The following CHD5 variants were observed in gnomAD, a reference collection of about 807,000 sequenced individuals.
CHD5 encodes the protein ATP-dependent chromatin remodeler CHD5.
In CHD5, 69 loss-of-function variants were observed where a neutral mutation model predicts 230.3. The observed-to-expected ratio is 0.30, with a 90% confidence interval of 0.25 to 0.37. The LOEUF (loss-of-function observed/expected upper bound fraction) is 0.37, where lower values mean the gene tolerates loss of function less well. Ranked by LOEUF, CHD5 falls within the 10% of genes least tolerant of loss-of-function variation. CHD5 has a pLI of 1.00. For synonymous variants in CHD5, 1,064 were observed against 1,065.9 expected (o/e 1.00, Z 0.03); for missense variants, 1,827 against 2,622.8 (o/e 0.70, Z 6.63).
chr1:6,122,668 G>A (rs1369530530), intron 31 of CHD5, among the ~76,000 whole-genome samples: 4 of 152,140 alleles, frequency 2.6e-5, no homozygotes, highest in Admixed American at 6.5e-5. Context: ...GTATGTCCAC[G>A]CAAAAACATA....
At chr1:6,110,285 C>T in intron 37 of CHD5, 109 bp downstream of exon 37, 1 of 1,300,646 alleles carries the variant, frequency 7.7e-7, no homozygotes. Flanking sequence ...CAGCGTGACC[C>T]AGGTACACGG....
Position 6,154,709 on chromosome 1 carries a change from C to G in CHD5, c.696G>C (p.Gln232His), listed in dbSNP as rs781385165. 1 of 1,603,328 alleles carries G rather than the reference C, an allele frequency of 6.2e-7. No individual in the cohort carries two copies. The highest frequency in any genetic ancestry group is 1.1e-5 in the South Asian group (1 of 89,900). Residue 232 changes from glutamine to histidine, a missense_variant, in exon 5 of 42, where the codon CAG (glutamine) becomes CAC (histidine). Physicochemically the swap from Gln to His is conservative, Grantham distance 24. Around this residue, in one of 14 missense-constraint regions of CHD5, gnomAD observed 657 missense variants for 816.4 expected, o/e 0.80. Transcript: ENST00000262450. The surrounding 1 kb of genome is among the most constrained non-coding windows in gnomAD (Gnocchi z 7.0). The part of the protein sequence containing the change: ...ISPPLAVSPP[Q>H]VPQPVPIRKA... ...TGCGGATAGGCACAGGCTGGGGCAC[C>G]TGCGGGGGGCTGACGGCTAGCGGAG...
intron 38 of CHD5, among the ~76,000 whole-genome samples, chr1:6,107,192 A>T (rs1666194184): frequency 1.2e-5 from 1 of 84,362 alleles, no homozygotes; most frequent in East Asian, 4.4e-4. Context: ...ATGGGGGAAG[A>T]TGGAGGGATG....
In CHD5 at chr1:6,121,127, G is replaced by A. The variant is rs746787920; in HGVS notation, c.4890C>T (p.Pro1630=). The change falls in exon 33 of 42, where the codon CCC becomes CCT. Residue 1630 remains proline (P), a synonymous_variant. Transcript: ENST00000262450. The surrounding 1 kb of genome is among the most constrained non-coding windows in gnomAD (Gnocchi z 4.5). The part of the protein sequence containing the change: ...ERPEETEKAP[P]SPEQLPREEV... ...AACCTCTCGGCAGCTGCTCCGGGGAGGGCGGGGCCTTCTCCGTCTCCTCTG... is the reference window on the plus strand; with the variant it reads ...AACCTCTCGGCAGCTGCTCCGGGGAAGGCGGGGCCTTCTCCGTCTCCTCTG... 14 of 1,609,982 alleles carry A rather than the reference G, an allele frequency of 8.7e-6. No individual in the cohort carries two copies. Among genetic ancestry groups the A allele is most frequent in the Non-Finnish European group, 1.2e-5 (14 of 1,178,438 alleles).
At position 6,146,125 on chromosome 1, in the gene CHD5, C is replaced by G; in HGVS notation, c.1802+87G>C. Reference sequence around the variant, plus strand: ...CAGCCCCAAAGCAAGGGCCCTGGCACCCTGCGCTGCACCCATTTTACAGGG... The same window carrying G: ...CAGCCCCAAAGCAAGGGCCCTGGCAGCCTGCGCTGCACCCATTTTACAGGG... On this transcript the variant is annotated intron_variant, in intron 11 of 41. Coordinates refer to ENST00000262450, the MANE Select transcript of CHD5 (RefSeq NM_015557.3). The surrounding 1 kb of genome is among the most constrained non-coding windows in gnomAD (Gnocchi z 5.1). 2 of 1,345,270 alleles carry G rather than the reference C, an allele frequency of 1.5e-6. No homozygotes were observed. Among genetic ancestry groups the G allele is most frequent in the South Asian group, 2.6e-5 (2 of 77,554 alleles). 83.3% of individuals were successfully genotyped at this position (1,345,270 alleles called of 1,614,324 possible).
In CHD5 at chr1:6,109,825, T is replaced by C; in HGVS notation, c.5548A>G (p.Asn1850Asp). 1.2e-6 allele frequency: 2 copies of C among 1,612,664 alleles called. No homozygotes were observed. The highest frequency in any genetic ancestry group is 1.7e-6 in the Non-Finnish European group (2 of 1,179,682). Residue 1850 changes from asparagine to aspartate, a missense_variant, in exon 38 of 42, where the codon AAC becomes GAC. Around this residue, in one of 14 missense-constraint regions of CHD5, gnomAD observed 208 missense variants for 302.0 expected, o/e 0.69. Transcript: ENST00000262450. ...TGCAGGACGGCATTGGCAGGCTTGTTCCCAGCAAGGGACTCCTTGGACAGG... is the reference window on the plus strand; with the variant it reads ...TGCAGGACGGCATTGGCAGGCTTGTCCCCAGCAAGGGACTCCTTGGACAGG... Reference protein sequence around the residue: ...QHLSKESLAGNKPANAVLHKV... With the variant: ...QHLSKESLAGDKPANAVLHKV...
rs72852055 is a variant in CHD5, at chr1:6,152,026, C to T, written c.870+386G>A. Among the ~76,000 whole-genome samples, 1,394 of 152,060 alleles carry T rather than the reference C, an allele frequency of 9.2e-3. 24 individuals are homozygous for T. The highest frequency in any genetic ancestry group is 0.043 in the East Asian group (224 of 5,162). ...AGGGTCCAGCCCCCACCCAACTACT[C>T]CCCCCGAGAGCAGACCTGGGTGCTG... On this transcript the variant is annotated intron_variant, in intron 6 of 41. Coordinates refer to ENST00000262450, the MANE Select transcript of CHD5 (RefSeq NM_015557.3).
In CHD5 at chr1:6,135,354, G is replaced by C; in HGVS notation, c.2746C>G (p.Gln916Glu). The change falls in exon 18 of 42, where the codon CAG becomes GAG. Residue 916 changes from glutamine to glutamate, a missense_variant. By Grantham distance (29) the Gln-to-Glu change is conservative (BLOSUM62 2). This residue lies in a region of CHD5 where 52 missense variants were observed against 164.5 expected (regional missense o/e 0.32). Coordinates refer to ENST00000262450, the MANE Select transcript of CHD5 (RefSeq NM_015557.3). ...EEFADISKED[Q>E]IKKLHDLLGP... ...AGCAGGTCATGCAGCTTCTTGATCT[G>C]GTCTTCCTTGGAGATGTCAGCAAAC... The C allele has an allele frequency of 6.2e-7, 1 of 1,613,990 alleles. No homozygotes were observed. Among genetic ancestry groups the C allele is most frequent in the Non-Finnish European group, 8.5e-7 (1 of 1,179,980 alleles).
In CHD5 at chr1:6,180,266, C is replaced by A; in HGVS notation, c.-243G>T. ...CGCTCCTCCCACCGCGCCCCGCAGC[C>A]CGAGTCCCGCAGCCGGCCGAGGGTG... On this transcript the variant is annotated 5_prime_UTR_variant, in exon 1 of 42. Transcript: ENST00000262450. 5.4e-6 allele frequency: 1 copy of A among 185,052 alleles called. No individual in the cohort carries two copies. The highest frequency in any genetic ancestry group is 2.4e-5 in the African/African-American group (1 of 42,348). The allele number at this position is 185,052 out of a possible 1,614,324, so 11.5% of individuals were successfully genotyped here.
intron 33 of CHD5, among the ~76,000 whole-genome samples, chr1:6,119,864 ATTTT>A (rs57522479): frequency 0.11 from 14,555 of 137,370 alleles, 790 homozygotes; most frequent in East Asian, 0.16. Context: ...ATATATATAT[ATTTT>A]TTTTTTTTCT....
At chr1:6,133,631 T>C (rs888311453) in intron 20 of CHD5, among the ~76,000 whole-genome samples, 14 of 152,344 alleles carry the variant, frequency 9.2e-5, no homozygotes, top group African/African-American at 3.4e-4. Flanking sequence ...AGGGACTAGA[T>C]CACTGGTCCC....
At chr1:6,159,229 A>T (rs1175330890) in intron 3 of CHD5, 107 bp downstream of exon 3, 15 of 61,910 alleles carry the variant, frequency 2.4e-4, no homozygotes, top group East Asian at 2.8e-3. Flanking sequence ...AGACTCCATC[A>T]CACACACACA....
chr1:6,179,304 C>T (rs947876536), intron 1 of CHD5, among the ~76,000 whole-genome samples: 12 of 152,146 alleles, frequency 7.9e-5, no homozygotes, highest in African/African-American at 2.7e-4. Flanking sequence ...GCCGGCGGCC[C>T]GGGTAAAGTG....
At position 6,106,708 on chromosome 1, in the gene CHD5, G is replaced by T. The variant is rs773847893; in HGVS notation, c.5650C>A (p.Arg1884Ser). 1 of 1,611,804 alleles carries T rather than the reference G, an allele frequency of 6.2e-7. No homozygotes were observed. Among genetic ancestry groups the T allele is most frequent in the African/African-American group, 1.3e-5 (1 of 74,840 alleles). ...DVTRLPSMLSRIPPVAARLQM... is the reference protein window; with the variant it reads ...DVTRLPSMLSSIPPVAARLQM... ...AGCCGGGCGGCCACCGGGGGGATGC[G>T]GGACAGCATGGATGGCAGCCGGGTC... Residue 1884 changes from arginine (R) to serine (S), a missense_variant, in exon 39 of 42, where the codon CGC (arginine) becomes AGC (serine). By Grantham distance (110) the Arg-to-Ser change is moderately radical. This residue lies in a region of CHD5 where 208 missense variants were observed against 302.0 expected (regional missense o/e 0.69). Transcript: ENST00000262450.
Position 6,173,841 on chromosome 1 carries a change from A to G in CHD5, c.80-5564T>C, listed in dbSNP as rs1309830821. Among the ~76,000 whole-genome samples, 29 of 152,154 alleles carry G rather than the reference A, an allele frequency of 1.9e-4. 1 individual carries two copies. The highest frequency in any genetic ancestry group is 1.8e-3 in the Admixed American group (28 of 15,286). On this transcript the variant is annotated intron_variant, in intron 1 of 41. Transcript: ENST00000262450. ...GCCGTTAGTCCTCGAACCTCCCCCC[A>G]TGAGACAGGGCTTATGCTGGCAAAG... is the stretch of plus-strand genomic sequence containing the variant.
intron 15 of CHD5, among the ~76,000 whole-genome samples, chr1:6,138,715 A>G (rs1377559901): frequency 1.3e-5 from 2 of 152,254 alleles, no homozygotes; most frequent in Non-Finnish European, 2.9e-5. Flanking sequence ...TTCTCAAAAA[A>G]TCAGAAATAG....
chr1:6,137,759 G>A (rs1219889386), intron 15 of CHD5, among the ~76,000 whole-genome samples: 1 of 152,268 alleles, frequency 6.6e-6, no homozygotes, highest in African/African-American at 2.4e-5. Flanking sequence ...TTAATGCCCT[G>A]AGGTTGCTGA....
At chr1:6,150,688 G>C (rs534159219) in intron 7 of CHD5, among the ~76,000 whole-genome samples, 1 of 152,208 alleles carries the variant, frequency 6.6e-6, no homozygotes, top group Admixed American at 6.5e-5. Flanking sequence ...TTAAGTGGGT[G>C]GGGGGTGACT....
At position 6,146,487 on chromosome 1, in the gene CHD5, C is replaced by T. The variant is rs567453491; in HGVS notation, c.1591-64G>A. 1 of 1,520,828 alleles carries T rather than the reference C, an allele frequency of 6.6e-7. No individual in the cohort carries two copies. The highest frequency in any genetic ancestry group is 1.2e-5 in the South Asian group (1 of 85,886). The allele number at this position is 1,520,828 out of a possible 1,614,324, so 94.2% of individuals were successfully genotyped here. On this transcript the variant is annotated intron_variant, in intron 10 of 41. Transcript: ENST00000262450. The surrounding 1 kb of genome is among the most constrained non-coding windows in gnomAD (Gnocchi z 5.1). ...GGCCATGGTCCCCTGCATCTCCCTA[C>T]CCAGCTCCTCTAGCCCCAGCCCAGG...
Sources: gnomAD v4.1 joint callset for allele counts (sites outside exome capture counted in the v4.1 genomes callset) on GRCh38, gnomAD v4.1.1 for gene constraint, gnomAD v4.1.1 regional missense constraint, Gnocchi (gnomAD v3.1) non-coding constraint, MANE v1.5 for transcripts, NCBI Gene and HGNC (gene_info 2026-07-23, HGNC 2026-07-21) for gene names.